The following IQCM variants were observed in gnomAD, a reference collection of about 807,000 sequenced individuals.
The protein encoded by IQCM is IQ motif containing M.
In IQCM, 45 loss-of-function variants were observed where a neutral mutation model predicts 57.6. The ratio of observed to expected loss-of-function variants is 0.78; its 90% CI spans 0.62 to 1.00. IQCM has a LOEUF of 1.00. Among genes scored for constraint, IQCM ranks in the 50% least tolerant of loss-of-function variants. The pLI is 0.00. For synonymous variants in IQCM, 148 were observed against 158.9 expected (o/e 0.93, Z 0.51); for missense variants, 468 against 511.6 (o/e 0.91, Z 0.82).
intron 10 of IQCM, among the ~76,000 whole-genome samples, chr4:149,558,105 T>C (rs914165539): frequency 2.0e-4 from 30 of 152,224 alleles, no homozygotes; most frequent in African/African-American, 7.2e-4. Context: ...GTTACTACTT[T>C]AGTGTTTGTG....
rs1762553418 is a variant in IQCM at position 149,686,452 on chromosome 4, A to G, written c.402T>C (p.Asp134=). 1 of 1,225,390 alleles carries G rather than the reference A, an allele frequency of 8.2e-7. No homozygotes were observed. 75.9% of individuals were successfully genotyped at this position (1,225,390 alleles called of 1,614,324 possible). The change falls in exon 6 of 14, where the codon GAT becomes GAC. Residue 134 remains aspartate, a synonymous_variant. Transcript: ENST00000636793. ...DLITKGQVKL[D]KIMTIIEPVS... ...CTGGTTCAATAATAGTCATGATTTTATCCAATTTAACTTGTCCTGAAATTT... is the reference window on the plus strand; with the variant it reads ...CTGGTTCAATAATAGTCATGATTTTGTCCAATTTAACTTGTCCTGAAATTT...
intron 7 of IQCM, among the ~76,000 whole-genome samples, chr4:149,646,688 T>C (rs1421495871): frequency 6.6e-6 from 1 of 152,256 alleles, no homozygotes; most frequent in Non-Finnish European, 1.5e-5. Flanking sequence ...TATGTTCAAT[T>C]AATAACTTTT....
chr4:149,659,464 G>T lies in IQCM; in HGVS notation c.565+22654C>A, dbSNP rs1364994674. Among the ~76,000 whole-genome samples the T allele has an allele frequency of 3.9e-5, 6 of 152,116 alleles. No homozygotes were observed. In the South Asian group the frequency reaches 8.3e-4, roughly 21 times the overall value. Reference sequence around the variant, plus strand: ...CAAGCTACCAATGACTTTCTTCACAGAATTGGAAAAAACTACTTTAAGGAT... The same window carrying T: ...CAAGCTACCAATGACTTTCTTCACATAATTGGAAAAAACTACTTTAAGGAT... On this transcript the variant is annotated intron_variant, in intron 7 of 13. Transcript: ENST00000636793.
intron 13 of IQCM, among the ~76,000 whole-genome samples, chr4:149,374,963 T>A (rs1194389258): frequency 7.9e-6 from 1 of 126,744 alleles, no homozygotes; most frequent in East Asian, 2.4e-4. Context: ...CTGCCACACT[T>A]TCTTTGTGTG....
At chr4:149,611,699 G>C (rs1755306671) in intron 8 of IQCM, among the ~76,000 whole-genome samples, 1 of 152,000 alleles carries the variant, frequency 6.6e-6, no homozygotes, top group Non-Finnish European at 1.5e-5. Flanking sequence ...AATGGGGGTG[G>C]TGAGATAAAG....
At chr4:149,526,604 A>G (rs1211497189) in intron 12 of IQCM, among the ~76,000 whole-genome samples, 1 of 152,080 alleles carries the variant, frequency 6.6e-6, no homozygotes, top group Non-Finnish European at 1.5e-5. Flanking sequence ...TGTCTGTGCA[A>G]TCATCATGAC....
chr4:149,698,647 C>T (rs1763522933), intron 5 of IQCM, among the ~76,000 whole-genome samples: 2 of 152,066 alleles, frequency 1.3e-5, no homozygotes. Context: ...ATGAAGTTTG[C>T]ACAACTCTAA....
chr4:149,679,223 T>C (rs1761995353), intron 7 of IQCM, among the ~76,000 whole-genome samples: 2 of 151,606 alleles, frequency 1.3e-5, no homozygotes, highest in Non-Finnish European at 3.0e-5. Context: ...AATCCTGTCA[T>C]TTGTGACAAC....
At chr4:149,609,105 A>G (rs552407904) in intron 8 of IQCM, among the ~76,000 whole-genome samples, 36 of 151,856 alleles carry the variant, frequency 2.4e-4, no homozygotes, top group Admixed American at 1.8e-3. Context: ...TAGAGATTAT[A>G]ATTAGCAACT....
chr4:149,450,763 A>T (rs1299767783), intron 12 of IQCM, among the ~76,000 whole-genome samples: 5 of 151,880 alleles, frequency 3.3e-5, no homozygotes. Flanking sequence ...TGTTTGTGGT[A>T]ATGTAAATTA....
intron 7 of IQCM, among the ~76,000 whole-genome samples, chr4:149,633,912 A>G (rs1757503138): frequency 1.3e-5 from 2 of 152,228 alleles, no homozygotes; most frequent in Admixed American, 6.5e-5. Context: ...ATTCAAAGGA[A>G]TGTGACTATG....
At chr4:149,756,862 G>A (rs1040612657) in intron 2 of IQCM, among the ~76,000 whole-genome samples, 6 of 152,168 alleles carry the variant, frequency 3.9e-5, no homozygotes, top group Admixed American at 3.9e-4. Flanking sequence ...TGTTCCCATT[G>A]AAATATTAAA....
intron 2 of IQCM, among the ~76,000 whole-genome samples, chr4:149,776,824 A>G (rs10005760): frequency 0.13 from 19,225 of 152,096 alleles, 2,641 homozygotes; most frequent in African/African-American, 0.3. Context: ...AAGATTATAT[A>G]CATAGAACAT....
At chr4:149,534,082 T>C (rs1747034420) in intron 12 of IQCM, among the ~76,000 whole-genome samples, 1 of 152,164 alleles carries the variant, frequency 6.6e-6, no homozygotes, top group African/African-American at 2.4e-5. Flanking sequence ...TATCCTTTAA[T>C]CCATTCAAAT....
intron 12 of IQCM, among the ~76,000 whole-genome samples, chr4:149,491,139 G>GT (rs1463695597): frequency 6.6e-6 from 1 of 151,942 alleles, no homozygotes; most frequent in African/African-American, 2.4e-5. Context: ...CCATGTTGGA[G>GT]TTTTTTAACA....
chr4:149,381,213 A>G (rs1731054253), intron 13 of IQCM, among the ~76,000 whole-genome samples: 2 of 151,912 alleles, frequency 1.3e-5, no homozygotes, highest in African/African-American at 4.8e-5. Flanking sequence ...TATTATCTTC[A>G]TTGTCACCAC....
intron 5 of IQCM, among the ~76,000 whole-genome samples, chr4:149,703,621 T>A (rs1015319914): frequency 2.0e-5 from 3 of 152,058 alleles, no homozygotes; most frequent in Non-Finnish European, 2.9e-5. Context: ...TGTCAGACAC[T>A]GCAGGGTTAA....
chr4:149,771,149 A>G (rs572626234), intron 2 of IQCM, among the ~76,000 whole-genome samples: 1 of 152,196 alleles, frequency 6.6e-6, no homozygotes, highest in East Asian at 1.9e-4. Context: ...ACACAATTTT[A>G]TTTTTCAGAC....
rs1461091970 is a variant in IQCM, at chr4:149,486,029, C to CTA, written c.1229-52473_1229-52472insTA. Among the ~76,000 whole-genome samples the CTA allele has an allele frequency of 5.1e-5, 7 of 136,196 alleles. No homozygotes were observed. The East Asian group carries it at 8.2e-4, about 16-fold the overall frequency. 89.3% of individuals were successfully genotyped at this position (136,196 alleles called of 152,430 possible). On this transcript the variant is annotated intron_variant, in intron 12 of 13. Transcript: ENST00000636793. ...CCAAGCAAACAGAGTCTCTCTCTCTCTCTCTCTCTCTCTCTCTCTCTCTCT... is the reference window on the plus strand; with the variant it reads ...CCAAGCAAACAGAGTCTCTCTCTCTCTATCTCTCTCTCTCTCTCTCTCTCTCT...
Sources: gnomAD v4.1 joint callset for allele counts (sites outside exome capture counted in the v4.1 genomes callset) on GRCh38, gnomAD v4.1.1 for gene constraint, MANE v1.5 for transcripts, NCBI Gene and HGNC (gene_info 2026-07-23, HGNC 2026-07-21) for gene names.